Variants in CLECL1 observed in about 807,000 individuals in gnomAD.
CLECL1 encodes the protein C-type lectin-like domain family 1.
rs139602832 is a variant in CLECL1 at position 9,729,751 on chromosome 12, A to T, written n.83-75T>A. 5.9e-5 allele frequency among the ~76,000 whole-genome samples: 9 copies of T among 152,280 alleles called. No homozygotes were observed. The East Asian group carries it at 1.7e-3, about 29-fold the overall frequency. On this transcript the variant is annotated intron_variant and non_coding_transcript_variant, in intron 1 of 3. Transcript: ENST00000621400. ...GATGGTGAGAGGTAGGAGAGGGCCAAATAAACTTTCTCACCTATCATGTTC... is the reference window on the plus strand; with the variant it reads ...GATGGTGAGAGGTAGGAGAGGGCCATATAAACTTTCTCACCTATCATGTTC...
upstream of CLECL1, among the ~76,000 whole-genome samples, chr12:9,733,727 A>G (rs942199862): frequency 6.6e-6 from 1 of 152,230 alleles, no homozygotes; most frequent in Non-Finnish European, 1.5e-5. Context: ...AAAAAAATCT[A>G]ATTTTAAAAT....
At chr12:9,704,111 A>C in the CLECL1 span, 1 of 152,224 alleles carries the variant, frequency 6.6e-6, no homozygotes, top group Admixed American at 6.5e-5. Context: ...TACAAGACAT[A>C]TCTTGTATTT....
chr12:9,727,613 C>T (rs184591239), exon 3 of CLECL1, among the ~76,000 whole-genome samples: 191 of 151,832 alleles, frequency 1.3e-3, no homozygotes, highest in Non-Finnish European at 4.1e-4. Flanking sequence ...CAGTTTTTCT[C>T]TTTTGGCTCA....
chr12:9,716,696 A>G, exon 3 of CLECL1: 1 of 966,670 alleles, frequency 1.0e-6, no homozygotes, highest in Non-Finnish European at 1.4e-6. Flanking sequence ...AGAGACAGAC[A>G]TATGGATGCC....
downstream of CLECL1, among the ~76,000 whole-genome samples, chr12:9,715,652 T>G (rs12227655): frequency 0.28 from 42,490 of 152,016 alleles, 6,564 homozygotes; most frequent in South Asian, 0.44. Flanking sequence ...CATTCACAAA[T>G]TTTTGGGTTT....
intron 1 of CLECL1, among the ~76,000 whole-genome samples, chr12:9,730,407 C>T (rs886993641): frequency 6.6e-6 from 1 of 152,114 alleles, no homozygotes; most frequent in African/African-American, 2.4e-5. Context: ...CCTAAACACA[C>T]AATACACTGA....
At chr12:9,728,559 A>G (rs1866408794) in intron 2 of CLECL1, among the ~76,000 whole-genome samples, 1 of 151,836 alleles carries the variant, frequency 6.6e-6, no homozygotes, top group Non-Finnish European at 1.5e-5. Flanking sequence ...TTTTAAGAAG[A>G]CATTTTATCT....
At chr12:9,703,780 C>T in the CLECL1 span, among the ~76,000 whole-genome samples, 1 of 152,020 alleles carries the variant, frequency 6.6e-6, no homozygotes, top group African/African-American at 2.4e-5. Flanking sequence ...TGTCTTAAAA[C>T]TGGAATATCC....
chr12:9,722,064 G>A (rs1200925057), downstream of CLECL1, among the ~76,000 whole-genome samples: 1 of 152,166 alleles, frequency 6.6e-6, no homozygotes, highest in Non-Finnish European at 1.5e-5. Flanking sequence ...GACATAGCTT[G>A]TGATTCTAAC....
chr12:9,723,452 A>G (rs1866339051), intron 3 of CLECL1, among the ~76,000 whole-genome samples: 1 of 106,022 alleles, frequency 9.4e-6, no homozygotes, highest in African/African-American at 4.1e-5. Flanking sequence ...ACACACACAC[A>G]CACACACGCA....
upstream of CLECL1, among the ~76,000 whole-genome samples, chr12:9,734,278 C>G (rs1345457033): frequency 6.6e-6 from 1 of 152,124 alleles, no homozygotes; most frequent in African/African-American, 2.4e-5. Context: ...CTATAAAGAC[C>G]AACTTCTGAC....
the CLECL1 span, among the ~76,000 whole-genome samples, chr12:9,707,898 G>A: frequency 6.6e-6 from 1 of 152,212 alleles, no homozygotes; most frequent in Admixed American, 6.5e-5. Context: ...AGTAAAATGA[G>A]CATTTGGCTC....
At chr12:9,729,550 TAATACCCTGAGATGAATAAATAATATTAC>T (rs1320410453) in intron 2 of CLECL1, among the ~76,000 whole-genome samples, 2 of 149,466 alleles carry the variant, frequency 1.3e-5, no homozygotes, top group Admixed American at 6.8e-5. Flanking sequence ...AGGAGAAAAA[TAATACCCTGAGATGAATAAATAATATTAC>T]TAATTACTTA....
chr12:9,728,028 T>C (rs1245329373), intron 2 of CLECL1, among the ~76,000 whole-genome samples: 2 of 151,878 alleles, frequency 1.3e-5, no homozygotes, highest in African/African-American at 2.4e-5. Context: ...CTATTAATTA[T>C]ATCAGGTGTC....
downstream of CLECL1, among the ~76,000 whole-genome samples, chr12:9,713,978 A>G (rs1218181047): frequency 6.6e-6 from 1 of 152,206 alleles, no homozygotes; most frequent in Non-Finnish European, 1.5e-5. Flanking sequence ...ATGTGTAGAC[A>G]GTAATTAGTA....
At chr12:9,724,119 A>G (rs1866347175) in intron 3 of CLECL1, among the ~76,000 whole-genome samples, 1 of 151,582 alleles carries the variant, frequency 6.6e-6, no homozygotes, top group Non-Finnish European at 1.5e-5. Flanking sequence ...TCTGGGAGGT[A>G]AAGGTTGCAA....
intron 3 of CLECL1, among the ~76,000 whole-genome samples, chr12:9,727,306 T>C (rs1343469536): frequency 1.3e-5 from 2 of 151,726 alleles, no homozygotes; most frequent in Non-Finnish European, 3.0e-5. Context: ...AAAAACAAAA[T>C]AAAATACAAT....
downstream of CLECL1, among the ~76,000 whole-genome samples, chr12:9,711,110 A>G (rs1866196467): frequency 6.6e-6 from 1 of 152,070 alleles, no homozygotes; most frequent in South Asian, 2.1e-4. Flanking sequence ...AGCTGCAAAC[A>G]TTCACCCCTA....
At chr12:9,724,282 A>G (rs1464028935) in intron 3 of CLECL1, among the ~76,000 whole-genome samples, 1 of 152,186 alleles carries the variant, frequency 6.6e-6, no homozygotes, top group Non-Finnish European at 1.5e-5. Flanking sequence ...AGACTTCTCC[A>G]TATAACTTTC....
Sources: allele counts gnomAD v4.1 joint callset (sites outside exome capture counted in the v4.1 genomes callset), GRCh38; gene constraint gnomAD v4.1.1; transcripts MANE v1.5; gene names NCBI Gene and HGNC (gene_info 2026-07-23, HGNC 2026-07-21).